Variants in KALRN observed in about 807,000 individuals in gnomAD.
KALRN encodes kalirin RhoGEF kinase.
Under a neutral mutation model 353.7 loss-of-function variants are expected in KALRN, and 70 were observed. That is an observed-to-expected ratio of 0.20 (90% CI 0.16 to 0.24). The LOEUF (loss-of-function observed/expected upper bound fraction) is 0.24. Ranked by LOEUF, KALRN falls within the 10% of genes least tolerant of loss-of-function variation. KALRN has a pLI of 1.00. For missense variants in KALRN, 2,791 were observed against 3,756.7 expected, an observed-to-expected ratio of 0.74 and a Z score of 6.72; for synonymous variants, 1,391 against 1,434.8, an observed-to-expected ratio of 0.97 and a Z score of 0.69.
intron 7 of KALRN, among the ~76,000 whole-genome samples, chr3:124,327,977 G>A (rs2149416266): frequency 6.6e-6 from 1 of 152,314 alleles, no homozygotes; most frequent in Admixed American, 6.5e-5. Context: ...AAATGGCACA[G>A]GGCTGTGCTA....
chr3:124,667,146 C>T lies in KALRN; in HGVS notation c.6666C>T (p.Ile2222=). ...TCCAGCAGGCCTGGGTGCAGGACATCAATCAAGTCTTAGAAACACAGCGAG... is the reference window on the plus strand; with the variant it reads ...TCCAGCAGGCCTGGGTGCAGGACATTAATCAAGTCTTAGAAACACAGCGAG... ...ADIQQAWVQD[I]NQVLETQRDF... The change falls in exon 47 of 60, where the codon ATC becomes ATT. Residue 2222 remains isoleucine, a synonymous_variant. Transcript: ENST00000682506. 5.0e-6 allele frequency: 8 copies of T among 1,614,094 alleles called. No individual in the cohort carries two copies. The highest frequency in any genetic ancestry group is 6.8e-6 in the Non-Finnish European group (8 of 1,180,008).
chr3:124,671,984 T>A, intron 48 of KALRN, 86 bp downstream of exon 48: 1 of 1,040,974 alleles, frequency 9.6e-7, no homozygotes, highest in Non-Finnish European at 1.5e-6. Context: ...AGTCTCGGTC[T>A]GTCATCCAGG....
intron 34 of KALRN, among the ~76,000 whole-genome samples, chr3:124,601,801 G>T (rs2076831367): frequency 6.6e-6 from 1 of 152,108 alleles, no homozygotes; most frequent in Non-Finnish European, 1.5e-5. Context: ...AGGCCAAGGT[G>T]GGTGGATTGC....
intron 3 of KALRN, among the ~76,000 whole-genome samples, chr3:124,248,639 A>G (rs1025893693): frequency 3.3e-5 from 5 of 152,240 alleles, no homozygotes; most frequent in Admixed American, 2.6e-4. Context: ...TAATTCAAGC[A>G]TGTGTCCTGA....
intron 12 of KALRN, 47 bp from the exon 13 acceptor site, chr3:124,398,650 A>C: frequency 6.2e-7 from 1 of 1,600,858 alleles, no homozygotes; most frequent in South Asian, 1.1e-5. Context: ...GTCACTTTTA[A>C]CATGGAAAGG....
intron 11 of KALRN, among the ~76,000 whole-genome samples, chr3:124,392,876 C>T (rs1254148574): frequency 7.3e-5 from 11 of 151,368 alleles, no homozygotes; most frequent in South Asian, 4.2e-4. Context: ...CATGCTGGTG[C>T]GCTGCACCCA....
At chr3:124,479,039 C>T (rs146884681) in intron 27 of KALRN, among the ~76,000 whole-genome samples, 8 of 152,340 alleles carry the variant, frequency 5.3e-5, no homozygotes, top group African/African-American at 1.4e-4. Context: ...TAATGATTTG[C>T]CTTTTGGCAG....
chr3:124,378,040 AT>A (rs2086828037), intron 10 of KALRN, among the ~76,000 whole-genome samples: 1 of 152,020 alleles, frequency 6.6e-6, no homozygotes. Context: ...GACAATTTAT[AT>A]TTAATGTGAT....
At chr3:124,371,292 G>A (rs12495992) in intron 10 of KALRN, among the ~76,000 whole-genome samples, 30,788 of 151,988 alleles carry the variant, frequency 0.2, 3,380 homozygotes, top group African/African-American at 0.29. Context: ...AAGACCCTTT[G>A]TCCTCTTCAT....
intron 3 of KALRN, among the ~76,000 whole-genome samples, chr3:124,261,947 G>A (rs2148865035): frequency 6.6e-6 from 1 of 152,200 alleles, no homozygotes; most frequent in South Asian, 2.1e-4. Flanking sequence ...GAGCTGATCA[G>A]GTAATTCACA....
chr3:124,155,750 T>C (rs1421523335), intron 1 of KALRN, among the ~76,000 whole-genome samples: 2 of 152,242 alleles, frequency 1.3e-5, no homozygotes, highest in African/African-American at 2.4e-5. Flanking sequence ...CTTTGTCTAA[T>C]ACCAGTTCTC....
chr3:124,153,029 A>C, intron 1 of KALRN: 3 of 241,370 alleles, frequency 1.2e-5, no homozygotes, highest in South Asian at 1.5e-4. Context: ...CTTTTTCTTA[A>C]AGGTTTCTGG....
intron 1 of KALRN, among the ~76,000 whole-genome samples, chr3:124,043,768 C>T (rs1055673279): frequency 3.3e-5 from 5 of 152,198 alleles, no homozygotes; most frequent in Admixed American, 2.0e-4. Flanking sequence ...GTTAGCAATC[C>T]GTTTAAAAGT....
intron 4 of KALRN, among the ~76,000 whole-genome samples, chr3:124,268,324 A>G (rs2073801758): frequency 6.6e-6 from 1 of 152,142 alleles, no homozygotes; most frequent in African/African-American, 2.4e-5. Flanking sequence ...GCTTAATCCA[A>G]CTATGATGAT....
chr3:124,035,076 G>T (rs2039293961), intron 1 of KALRN, among the ~76,000 whole-genome samples: 2 of 152,138 alleles, frequency 1.3e-5, no homozygotes, highest in African/African-American at 4.8e-5. Flanking sequence ...GGAAAAAACT[G>T]GAGGACAGGA....
At position 124,720,784 on chromosome 3, in the gene KALRN, G is replaced by A. The variant is rs2150856461; in HGVS notation, c.*1314G>A. 1.3e-5 allele frequency: 2 copies of A among 152,096 alleles called. No individual in the cohort carries two copies. Among genetic ancestry groups the A allele is most frequent in the Middle Eastern group, 3.4e-3 (1 of 294 alleles). The allele number at this position is 152,096 out of a possible 1,614,324, so 9.4% of individuals were successfully genotyped here. ...ATTAACTGCTCTTTTTCCCTCTGGT[G>A]GAAAAAAAATTAAACCTGGGCATTT... On this transcript the variant is annotated 3_prime_UTR_variant, in exon 60 of 60. Transcript: ENST00000682506.
At chr3:124,481,106 A>T (rs1175310897) in intron 27 of KALRN, among the ~76,000 whole-genome samples, 2 of 152,056 alleles carry the variant, frequency 1.3e-5, no homozygotes, top group African/African-American at 2.4e-5. Context: ...TTCTGTCTCT[A>T]TTTCTCCAAG....
chr3:124,404,477 C>G (rs2091275772), intron 13 of KALRN, among the ~76,000 whole-genome samples: 1 of 151,992 alleles, frequency 6.6e-6, no homozygotes, highest in African/African-American at 2.4e-5. Context: ...AGTACTGGCT[C>G]TGGTGCAGCC....
chr3:124,335,379 T>C (rs2081037231), intron 9 of KALRN, among the ~76,000 whole-genome samples: 1 of 152,232 alleles, frequency 6.6e-6, no homozygotes, highest in African/African-American at 2.4e-5. Flanking sequence ...TTTTGTATTA[T>C]GACATCAGTT....
Sources: allele counts gnomAD v4.1 joint callset (sites outside exome capture counted in the v4.1 genomes callset), GRCh38; gene constraint gnomAD v4.1.1; transcripts MANE v1.5; gene names NCBI Gene and HGNC (gene_info 2026-07-23, HGNC 2026-07-21).